Variants in THSD7B observed in about 807,000 individuals in gnomAD.
THSD7B encodes thrombospondin type-1 domain-containing protein 7B.
Under a neutral mutation model 213.6 loss-of-function variants are expected in THSD7B, and 138 were observed. That is an observed-to-expected ratio of 0.65 (90% CI 0.56 to 0.74). The LOEUF (loss-of-function observed/expected upper bound fraction) is 0.74, where lower values mean the gene tolerates loss of function less well. Ranked by LOEUF, THSD7B falls within the 30% of genes least tolerant of loss-of-function variation. THSD7B has a pLI of 0.00. For synonymous variants in THSD7B, 742 were observed against 687.0 expected (o/e 1.08, Z -1.25); for missense variants, 1,931 against 1,991.5 (o/e 0.97, Z 0.58).
At chr2:137,290,575 C>T (rs1683309358) in intron 12 of THSD7B, among the ~76,000 whole-genome samples, 1 of 152,082 alleles carries the variant, frequency 6.6e-6, no homozygotes, top group African/African-American at 2.4e-5. Context: ...TAATGTCTCC[C>T]CAGGTCATCC....
chr2:136,850,403 A>G (rs1683080169), intron 1 of THSD7B, among the ~76,000 whole-genome samples: 1 of 152,092 alleles, frequency 6.6e-6, no homozygotes, highest in African/African-American at 2.4e-5. Context: ...CCTAAAAGAA[A>G]AGTAAAGCAA....
At chr2:137,626,010 T>A (rs953228182) in intron 20 of THSD7B, among the ~76,000 whole-genome samples, 1 of 152,216 alleles carries the variant, frequency 6.6e-6, no homozygotes. Flanking sequence ...CTAGGGCAGA[T>A]TGAGCCATGG....
chr2:136,980,582 C>T (rs921967153), intron 2 of THSD7B, among the ~76,000 whole-genome samples: 2 of 152,180 alleles, frequency 1.3e-5, no homozygotes, highest in African/African-American at 4.8e-5. Flanking sequence ...TCAAACTACC[C>T]AGTCTCCCTG....
At chr2:136,947,478 T>A (rs571457392) in intron 2 of THSD7B, among the ~76,000 whole-genome samples, 2 of 152,342 alleles carry the variant, frequency 1.3e-5, no homozygotes, top group South Asian at 4.1e-4. Context: ...TGAGTTACCA[T>A]TTAAGTTTCT....
intron 7 of THSD7B, among the ~76,000 whole-genome samples, chr2:137,219,519 C>T (rs1387871426): frequency 6.6e-6 from 1 of 152,106 alleles, no homozygotes; most frequent in East Asian, 1.9e-4. Flanking sequence ...GCTCATCTTG[C>T]TTTTTGCATA....
intron 15 of THSD7B, among the ~76,000 whole-genome samples, chr2:137,537,904 T>G (rs895552978): frequency 6.6e-6 from 1 of 151,662 alleles, no homozygotes; most frequent in Non-Finnish European, 1.5e-5. Context: ...CACAGTCTAG[T>G]TTTAAAGATG....
chr2:136,989,418 G>T lies in THSD7B; in HGVS notation c.140-67002G>T, dbSNP rs551292536. ...TTGTTTAAAAGAGCCTGGTGCCTTT[G>T]ACTTCTCTCTTGCTTGTTCTCTCTC... On this transcript the variant is annotated intron_variant, in intron 2 of 27. Transcript: ENST00000409968. 7.3e-5 allele frequency among the ~76,000 whole-genome samples: 11 copies of T among 151,230 alleles called. No individual in the cohort carries two copies. In the South Asian group the frequency reaches 2.3e-3, roughly 32 times the overall value.
intron 2 of THSD7B, among the ~76,000 whole-genome samples, chr2:136,968,351 AT>A (rs1345531609): frequency 6.6e-6 from 1 of 151,986 alleles, no homozygotes; most frequent in African/African-American, 2.4e-5. Flanking sequence ...TTTAATTTGC[AT>A]TTTTGTAAAT....
At chr2:137,213,806 C>T (rs1184488684) in intron 7 of THSD7B, among the ~76,000 whole-genome samples, 1 of 152,026 alleles carries the variant, frequency 6.6e-6, no homozygotes, top group Non-Finnish European at 1.5e-5. Flanking sequence ...GCTACTGGGT[C>T]GTGACAAATG....
chr2:136,982,963 C>T (rs1350181113), intron 2 of THSD7B, among the ~76,000 whole-genome samples: 1 of 151,986 alleles, frequency 6.6e-6, no homozygotes, highest in African/African-American at 2.4e-5. Context: ...CAAGATACCT[C>T]TTGACTTCCT....
rs572560237 is a variant in THSD7B, at chr2:137,655,083, T to C, written c.3946-418T>C. Among the ~76,000 whole-genome samples, 79 of 152,116 alleles carry C rather than the reference T, an allele frequency of 5.2e-4. 1 individual carries two copies. Among genetic ancestry groups the C allele is most frequent in the African/African-American group, 1.7e-3 (72 of 41,518 alleles). ...TTATTAGAAACCTCAACCTAATCCA[T>C]AGAAAAAAGTACTGAATTCTATAAA... On this transcript the variant is annotated intron_variant, in intron 21 of 27. Coordinates refer to ENST00000409968, the MANE Select transcript of THSD7B (RefSeq NM_001316349.2).
chr2:137,670,467 CA>C (rs1192154567), intron 27 of THSD7B, among the ~76,000 whole-genome samples: 1 of 122,280 alleles, frequency 8.2e-6, no homozygotes, highest in Non-Finnish European at 1.7e-5. Flanking sequence ...CATTTTCTAA[CA>C]AGGAAAATTT....
In THSD7B at chr2:136,793,451, A is replaced by G. The variant is rs80187188; in HGVS notation, c.-36+27764A>G. Among the ~76,000 whole-genome samples, 1,305 of 152,096 alleles carry G rather than the reference A, an allele frequency of 8.6e-3. 29 individuals are homozygous for G. The highest frequency in any genetic ancestry group is 0.03 in the African/African-American group (1,242 of 41,512). On this transcript the variant is annotated intron_variant, in intron 1 of 27. Coordinates refer to ENST00000409968, the MANE Select transcript of THSD7B (RefSeq NM_001316349.2). Reference sequence around the variant, plus strand: ...GTTGGAAGTCCTTTATCATATACGTAGTTCATAAATATTTTTCCCAGTGTG... The same window carrying G: ...GTTGGAAGTCCTTTATCATATACGTGGTTCATAAATATTTTTCCCAGTGTG...
intron 21 of THSD7B, among the ~76,000 whole-genome samples, chr2:137,642,940 A>C (rs1350279992): frequency 6.6e-6 from 1 of 152,186 alleles, no homozygotes; most frequent in African/African-American, 2.4e-5. Flanking sequence ...ATATCAAAGG[A>C]TTATTTAATT....
intron 12 of THSD7B, among the ~76,000 whole-genome samples, chr2:137,405,384 C>T (rs186443468): frequency 1.3e-3 from 193 of 152,062 alleles, no homozygotes; most frequent in African/African-American, 4.4e-3. Context: ...TTGCTGTCGA[C>T]GCAGGGTTTG....
intron 2 of THSD7B, among the ~76,000 whole-genome samples, chr2:136,916,234 C>T (rs1181086017): frequency 1.3e-5 from 2 of 152,204 alleles, no homozygotes; most frequent in Admixed American, 6.5e-5. Context: ...TATCTGTGGT[C>T]TGTGGGGAAT....
At chr2:137,483,774 G>A (rs879018714) in intron 15 of THSD7B, among the ~76,000 whole-genome samples, 2 of 152,118 alleles carry the variant, frequency 1.3e-5, no homozygotes, top group Non-Finnish European at 2.9e-5. Flanking sequence ...AGAAGCCCCC[G>A]CTGGTGGCAG....
chr2:136,890,401 C>T (rs866815510), intron 2 of THSD7B, among the ~76,000 whole-genome samples: 73 of 430 alleles, frequency 0.17, 11 homozygotes, highest in African/African-American at 0.27. Flanking sequence ...CTTCCTCTTC[C>T]TCTTCCTCTT....
At chr2:137,309,428 A>T (rs1321861368) in intron 12 of THSD7B, among the ~76,000 whole-genome samples, 1 of 151,578 alleles carries the variant, frequency 6.6e-6, no homozygotes, top group Non-Finnish European at 1.5e-5. Flanking sequence ...ATTTATTTTT[A>T]AACTTCCTTA....
Sources: allele counts gnomAD v4.1 joint callset (sites outside exome capture counted in the v4.1 genomes callset), GRCh38; gene constraint gnomAD v4.1.1; transcripts MANE v1.5; gene names NCBI Gene and HGNC (gene_info 2026-07-23, HGNC 2026-07-21).